Variants in UBASH3A observed in about 807,000 individuals in gnomAD.
The protein encoded by UBASH3A is ubiquitin-associated and SH3 domain-containing protein A.
Under a neutral mutation model 73.5 loss-of-function variants are expected in UBASH3A, and 63 were observed. The ratio of observed to expected loss-of-function variants is 0.86; its 90% CI spans 0.70 to 1.06. The LOEUF (loss-of-function observed/expected upper bound fraction) is 1.06. Ranked by LOEUF, UBASH3A falls within the 50% of genes least tolerant of loss-of-function variation. The pLI is 0.00. For synonymous variants in UBASH3A, 363 were observed against 351.1 expected, an observed-to-expected ratio of 1.03 and a Z score of -0.38; for missense variants, 860 against 859.0, an observed-to-expected ratio of 1.00 and a Z score of -0.02.
At chr21:42,417,953 GC>G (rs200238659) in intron 6 of UBASH3A, among the ~76,000 whole-genome samples, 2,410 of 133,064 alleles carry the variant, frequency 0.018, 72 homozygotes, top group African/African-American at 0.064. Context: ...AGTGATCTGC[GC>G]CCACTTCAAC....
intron 7 of UBASH3A, among the ~76,000 whole-genome samples, chr21:42,425,257 C>T (rs569996375): frequency 8.5e-5 from 13 of 152,322 alleles, no homozygotes; most frequent in Non-Finnish European, 5.9e-5. Context: ...TTTCTCCTTC[C>T]GTCACCCATG....
In UBASH3A at chr21:42,413,365, G is replaced by A. The variant is rs187467904; in HGVS notation, c.554-45G>A. The stretch of plus-strand genomic sequence containing the variant: ...CCAGCAGCAATGGTGGGATGGCTGG[G>A]TGGGCTTTCTTCCGGGCTCAGTGGC... On this transcript the variant is annotated intron_variant, in intron 4 of 14. Transcript: ENST00000319294. This position sits in a 1 kb window ranked among gnomAD's most constrained non-coding sequence, Gnocchi z 4.5. The A allele has an allele frequency of 1.1e-5, 17 of 1,562,226 alleles. No homozygotes were observed. The East Asian group carries it at 3.8e-4, about 35-fold the overall frequency.
chr21:42,444,255 G>A (rs781209732), intron 13 of UBASH3A, among the ~76,000 whole-genome samples: 10 of 152,218 alleles, frequency 6.6e-5, no homozygotes, highest in African/African-American at 1.2e-4. Context: ...TGTGGCTGAC[G>A]GGGCCCAGGC....
chr21:42,407,035 C>A (rs1318695268), intron 2 of UBASH3A, among the ~76,000 whole-genome samples: 1 of 152,062 alleles, frequency 6.6e-6, no homozygotes, highest in African/African-American at 2.4e-5. Flanking sequence ...TCTAAGGGTG[C>A]CAGGTGTGTG....
chr21:42,442,331 ACT>A (rs2053761143), intron 11 of UBASH3A, 119 bp from the exon 12 acceptor site: 3 of 1,027,752 alleles, frequency 2.9e-6, no homozygotes, highest in Non-Finnish European at 4.3e-6. Context: ...AGAAAATCAC[ACT>A]GTTTAAAAGG....
At chr21:42,444,667 T>A (rs2053816519) in intron 14 of UBASH3A, 24 bp downstream of exon 14, 3 of 1,543,732 alleles carry the variant, frequency 1.9e-6, no homozygotes, top group East Asian at 2.2e-5. Context: ...CTTGGCTCTT[T>A]GGGCCACAAA....
In UBASH3A at chr21:42,406,325, C is replaced by A. The variant is rs2052975475; in HGVS notation, c.131C>A (p.Ala44Asp). ...PVHTALKALA[A>D]TGRKTAEEAL... ...TTCTGCAGGCTGAAAGCGTTGGCAG[C>A]CACGGGGAGGAAGACGGCGGAGGAG... The change falls in exon 2 of 15, where the codon GCC becomes GAC. Residue 44 changes from alanine to aspartate, a missense_variant. By Grantham distance (126) the Ala-to-Asp change is moderately radical (BLOSUM62 -2). Coordinates refer to ENST00000319294, the MANE Select transcript of UBASH3A (RefSeq NM_018961.4). 1.2e-6 allele frequency: 2 copies of A among 1,614,030 alleles called. No individual in the cohort carries two copies. Among genetic ancestry groups the A allele is most frequent in the Non-Finnish European group, 1.7e-6 (2 of 1,179,892 alleles).
chr21:42,408,306 T>C (rs187961504), intron 2 of UBASH3A, among the ~76,000 whole-genome samples: 273 of 152,390 alleles, frequency 1.8e-3, no homozygotes, highest in African/African-American at 6.3e-3. Context: ...TGATTTCTAA[T>C]GAATGCACGG....
In UBASH3A at chr21:42,443,378, G is replaced by A. The variant is rs770113837; in HGVS notation, c.1698G>A (p.Thr566=). The change falls in exon 13 of 15, where the codon ACG becomes ACA. Residue 566 remains threonine, a synonymous_variant. Coordinates refer to ENST00000319294, the MANE Select transcript of UBASH3A (RefSeq NM_018961.4). ...ACCAGGAGTACATGGACAGGTGCAC[G>A]GCGAGCATGGTGCAAATCGTCAACA... ...ESYQEYMDRC[T]ASMVQIVNTC... The A allele has an allele frequency of 9.3e-6, 15 of 1,612,988 alleles. No individual in the cohort carries two copies. The highest frequency in any genetic ancestry group is 5.0e-5 in the Admixed American group (3 of 59,912).
chr21:42,440,086 C>T (rs1250025137), intron 11 of UBASH3A, among the ~76,000 whole-genome samples: 5 of 151,964 alleles, frequency 3.3e-5, no homozygotes, highest in South Asian at 2.1e-4. Flanking sequence ...AGTCACAGAC[C>T]GCAGAGGAGG....
chr21:42,408,255 C>T (rs1021123589), intron 2 of UBASH3A, among the ~76,000 whole-genome samples: 8 of 152,216 alleles, frequency 5.3e-5, no homozygotes, highest in Non-Finnish European at 1.2e-4. Flanking sequence ...AAAATTATAT[C>T]ACAGGCACTT....
At chr21:42,409,807 C>G (rs1324274428) in intron 3 of UBASH3A, among the ~76,000 whole-genome samples, 199 bp downstream of exon 3, 1 of 152,180 alleles carries the variant, frequency 6.6e-6, no homozygotes, top group Non-Finnish European at 1.5e-5. Flanking sequence ...CCTTCAGAAC[C>G]CAACTCATTT....
intron 7 of UBASH3A, among the ~76,000 whole-genome samples, chr21:42,424,697 C>T (rs2053404106): frequency 6.6e-6 from 1 of 152,204 alleles, no homozygotes; most frequent in African/African-American, 2.4e-5. Flanking sequence ...ATATCTCAGA[C>T]ATAAGAAAGG....
At chr21:42,429,325 A>G (rs372436809) in intron 8 of UBASH3A, among the ~76,000 whole-genome samples, 2 of 152,192 alleles carry the variant, frequency 1.3e-5, no homozygotes, top group Middle Eastern at 3.2e-3. Flanking sequence ...CAGGACACCA[A>G]TGCAGCACCT....
At chr21:42,441,538 G>A (rs1397786937) in intron 11 of UBASH3A, among the ~76,000 whole-genome samples, 2 of 132,628 alleles carry the variant, frequency 1.5e-5, no homozygotes, top group Non-Finnish European at 3.3e-5. Flanking sequence ...GGTTGATGGG[G>A]GAGGACTCAG....
chr21:42,414,490 G>A (rs901081961), intron 5 of UBASH3A, among the ~76,000 whole-genome samples: 2 of 152,218 alleles, frequency 1.3e-5, no homozygotes, highest in African/African-American at 2.4e-5. Context: ...GTGGTGTGTA[G>A]AGCGGTGTCC....
At chr21:42,443,065 C>T in intron 12 of UBASH3A, 2 of 1,241,620 alleles carry the variant, frequency 1.6e-6, no homozygotes, top group Non-Finnish European at 2.1e-6. Flanking sequence ...CTTTGTCATT[C>T]TCCACCCATG....
At position 42,444,559 on chromosome 21, in the gene UBASH3A, C is replaced by T. The variant is rs138379716; in HGVS notation, c.1764C>T (p.His588=). 2.3e-4 allele frequency: 372 copies of T among 1,613,572 alleles called. No homozygotes were observed. Among genetic ancestry groups the T allele is most frequent in the Non-Finnish European group, 2.9e-4 (346 of 1,179,986 alleles). Residue 588 remains histidine, a synonymous_variant, in exon 14 of 15, where the codon CAC becomes CAT. Coordinates refer to ENST00000319294, the MANE Select transcript of UBASH3A (RefSeq NM_018961.4). The stretch of plus-strand genomic sequence containing the variant: ...CGGGTGTCATCCTAATTGTGAGTCA[C>T]GGCTCCACTCTGGACTCCTGCACGC... ...QDTGVILIVS[H]GSTLDSCTRP...
chr21:42,415,278 G>A (rs117998882), intron 5 of UBASH3A, among the ~76,000 whole-genome samples: 1 of 152,266 alleles, frequency 6.6e-6, no homozygotes, highest in East Asian at 1.9e-4. Flanking sequence ...ATGGCAAGGC[G>A]GTCCTCCCCG....
Sources: gnomAD v4.1 joint callset for allele counts (sites outside exome capture counted in the v4.1 genomes callset) on GRCh38, gnomAD v4.1.1 for gene constraint, Gnocchi (gnomAD v3.1) non-coding constraint, MANE v1.5 for transcripts, NCBI Gene and HGNC (gene_info 2026-07-23, HGNC 2026-07-21) for gene names.